Variants in ARFGEF1 observed in about 807,000 individuals in gnomAD.
ARFGEF1 encodes the protein ARF guanine nucleotide exchange factor 1.
ARFGEF1 carries 42 observed loss-of-function variants against 231.0 expected under a neutral mutation model. The ratio of observed to expected loss-of-function variants is 0.18; its 90% CI spans 0.14 to 0.24. ARFGEF1 has a LOEUF of 0.24. ARFGEF1 is among the 10% of genes least tolerant of loss of function. The pLI is 1.00. For missense variants in ARFGEF1, 1,345 were observed against 2,192.0 expected, an observed-to-expected ratio of 0.61 and a Z score of 7.72; for synonymous variants, 710 against 732.3, an observed-to-expected ratio of 0.97 and a Z score of 0.49.
At chr8:67,260,114 A>C (rs1414267588) in intron 14 of ARFGEF1, among the ~76,000 whole-genome samples, 188 bp from the exon 15 acceptor site, 1 of 152,222 alleles carries the variant, frequency 6.6e-6, no homozygotes. Context: ...TTTAGAAATA[A>C]GTCTCATATG....
chr8:67,252,755 G>A (rs1454655438), intron 18 of ARFGEF1, among the ~76,000 whole-genome samples: 1 of 152,138 alleles, frequency 6.6e-6, no homozygotes, highest in African/African-American at 2.4e-5. Flanking sequence ...GTGTTAGTTA[G>A]ACCTAAGGAC....
chr8:67,291,564 G>A lies in ARFGEF1; in HGVS notation c.916+283C>T, dbSNP rs77371361. ...CTGAAATTCCTATATAACATTTAAC[G>A]GACATTTATGACCCTCTTTAGAAAT... On this transcript the variant is annotated intron_variant, in intron 6 of 38. Transcript: ENST00000262215. Among the ~76,000 whole-genome samples the A allele has an allele frequency of 7.9e-3, 1,206 of 151,800 alleles. 11 individuals are homozygous for A. Among genetic ancestry groups the A allele is most frequent in the African/African-American group, 0.028 (1,149 of 41,414 alleles).
At chr8:67,294,870 T>C (rs1280350617) in intron 5 of ARFGEF1, among the ~76,000 whole-genome samples, 4 of 152,152 alleles carry the variant, frequency 2.6e-5, no homozygotes, top group Non-Finnish European at 5.9e-5. Flanking sequence ...CTAAATACCA[T>C]TCTCCAATCA....
At chr8:67,176,998 G>C (rs538377324) in intron 5 of ARFGEF1, among the ~76,000 whole-genome samples, 1 of 150,524 alleles carries the variant, frequency 6.6e-6, no homozygotes, top group Non-Finnish European at 1.5e-5. Context: ...TTGAACCCAG[G>C]AGGTGGAGGT....
rs746053755 is a variant in ARFGEF1, at chr8:67,267,419, T to A, written c.1596A>T (p.Leu532Phe). The A allele has an allele frequency of 6.2e-7, 1 of 1,609,228 alleles. No individual in the cohort carries two copies. Among genetic ancestry groups the A allele is most frequent in the African/African-American group, 1.3e-5 (1 of 74,796 alleles). ...AGCTGGTAGAAGTTTCCAAAATGTA[T>A]AAGAAAATTTCTTTAAAGAACACCT... ...QIEVFFKEIF[L>F]YILETSTSSF... Residue 532 changes from leucine (L) to phenylalanine (F), a missense_variant, in exon 11 of 39, where the codon TTA (leucine) becomes TTT (phenylalanine). Physicochemically the swap from Leu to Phe is conservative, Grantham distance 22. Transcript: ENST00000262215.
At position 67,227,648 on chromosome 8, in the gene ARFGEF1, AT is replaced by A. The variant is rs1839419914; in HGVS notation, c.3592-51del. On this transcript the variant is annotated intron_variant, in intron 25 of 38. Coordinates refer to ENST00000262215, the MANE Select transcript of ARFGEF1 (RefSeq NM_006421.5). ...ATGCTAATTAATATCAGCAGTAAAA[AT>A]CTACAATTCTTTATTTTTTGTTTTA... 1.3e-6 allele frequency: 2 copies of A among 1,568,044 alleles called. 1 individual carries two copies. Among genetic ancestry groups the A allele is most frequent in the Middle Eastern group, 3.4e-4 (2 of 5,864 alleles).
chr8:67,337,288 C>T (rs1808394832), intron 1 of ARFGEF1, among the ~76,000 whole-genome samples: 1 of 152,006 alleles, frequency 6.6e-6, no homozygotes. Context: ...GTCTAAAAAT[C>T]TATTTCCCAA....
intron 9 of ARFGEF1, among the ~76,000 whole-genome samples, chr8:67,274,998 C>T (rs1805254259): frequency 6.6e-6 from 1 of 152,056 alleles, no homozygotes; most frequent in South Asian, 2.1e-4. Flanking sequence ...TGAACTGGTA[C>T]AATCTGACAA....
chr8:67,305,036 A>T (rs1208457234), intron 1 of ARFGEF1, among the ~76,000 whole-genome samples: 1 of 152,206 alleles, frequency 6.6e-6, no homozygotes, highest in African/African-American at 2.4e-5. Context: ...TCCCATTTGT[A>T]AAATAATTAC....
At chr8:67,223,504 A>G (rs1034698357) in intron 29 of ARFGEF1, among the ~76,000 whole-genome samples, 1 of 152,190 alleles carries the variant, frequency 6.6e-6, no homozygotes, top group Non-Finnish European at 1.5e-5. Flanking sequence ...TTAAGATGGA[A>G]GCTAAATAGC....
intron 7 of ARFGEF1, among the ~76,000 whole-genome samples, chr8:67,283,770 C>T (rs1012350875): frequency 2.6e-5 from 4 of 152,110 alleles, no homozygotes; most frequent in Non-Finnish European, 2.9e-5. Context: ...GAGAAATGCA[C>T]ATTAAAACCA....
At position 67,343,279 on chromosome 8, in the gene ARFGEF1, C is replaced by T. The variant is rs751233082; in HGVS notation, c.9G>A (p.Glu3=). Residue 3 remains glutamate (E), a synonymous_variant, in exon 1 of 39, where the codon GAG becomes GAA. Transcript: ENST00000262215. MY[E]GKKTKNMFLT... is the part of the protein sequence containing the mutation. ...GGAACATGTTCTTCGTCTTCTTCCCCTCATACATGGACGCAGAGAAGGAGG... is the reference window on the plus strand; with the variant it reads ...GGAACATGTTCTTCGTCTTCTTCCCTTCATACATGGACGCAGAGAAGGAGG... The T allele has an allele frequency of 2.5e-6, 4 of 1,613,648 alleles. No homozygotes were observed. Among genetic ancestry groups the T allele is most frequent in the East Asian group, 4.5e-5 (2 of 44,852 alleles).
rs3837216 is a variant in ARFGEF1, at chr8:67,211,624, TA to T, written c.4687-10del. Reference sequence around the variant, plus strand: ...TTCTGTGATATTGTATCCTAATAAATAAAAAAAAAATCACTGTAAGTATGGT... The same window carrying T: ...TTCTGTGATATTGTATCCTAATAAATAAAAAAAAATCACTGTAAGTATGGT... On this transcript the variant is annotated splice_polypyrimidine_tract_variant and intron_variant, in intron 33 of 38. Coordinates refer to ENST00000262215, the MANE Select transcript of ARFGEF1 (RefSeq NM_006421.5). 0.017 allele frequency: 22,292 copies of T among 1,322,566 alleles called. 407 individuals are homozygous for T. Among genetic ancestry groups the T allele is most frequent in the South Asian group, 0.05 (2,998 of 59,746 alleles). 81.9% of individuals were successfully genotyped at this position (1,322,566 alleles called of 1,614,324 possible).
At chr8:67,313,565 G>A (rs2128923339) in intron 1 of ARFGEF1, among the ~76,000 whole-genome samples, 1 of 152,300 alleles carries the variant, frequency 6.6e-6, no homozygotes, top group South Asian at 2.1e-4. Flanking sequence ...TCTGGGTCTA[G>A]CCACCCAGCG....
intron 5 of ARFGEF1, among the ~76,000 whole-genome samples, chr8:67,186,829 G>A (rs1049039131): frequency 6.6e-6 from 1 of 152,144 alleles, no homozygotes; most frequent in Non-Finnish European, 1.5e-5. Context: ...CAAGTTGTGG[G>A]ATACAAGATG....
rs115686686 is a variant in ARFGEF1 at position 67,336,585 on chromosome 8, T to C, written c.124+6579A>G. On this transcript the variant is annotated intron_variant, in intron 1 of 38. Transcript: ENST00000262215. ...ACTTCTGGTGGCTTCTGGCATTCCA[T>C]AGCATGTGGCAGCAGTAACTGATCT... Among the ~76,000 whole-genome samples, 1,308 of 152,302 alleles carry C rather than the reference T, an allele frequency of 8.6e-3. 16 individuals carry two copies. The highest frequency in any genetic ancestry group is 0.03 in the African/African-American group (1,228 of 41,556).
chr8:67,258,117 T>C lies in ARFGEF1; in HGVS notation c.2409A>G (p.Lys803=). ...TGCATTCTAGGTATCTTGCAGCAAATTTTTCCATTAATCGATCGATTTTCT... is the reference window on the plus strand; with the variant it reads ...TGCATTCTAGGTATCTTGCAGCAAACTTTTCCATTAATCGATCGATTTTCT... ...EAQKIDRLME[K]FAARYLECNQ... Residue 803 remains lysine, a synonymous_variant, in exon 16 of 39, where the codon AAA becomes AAG. Transcript: ENST00000262215. The C allele has an allele frequency of 6.2e-7, 1 of 1,613,884 alleles. No individual in the cohort carries two copies. The highest frequency in any genetic ancestry group is 1.1e-5 in the South Asian group (1 of 91,082).
intron 29 of ARFGEF1, among the ~76,000 whole-genome samples, chr8:67,224,454 T>A (rs1043861506): frequency 6.6e-6 from 1 of 152,206 alleles, no homozygotes; most frequent in Admixed American, 6.5e-5. Flanking sequence ...TCTATTTGAA[T>A]AGCTCTATAT....
intron 7 of ARFGEF1, among the ~76,000 whole-genome samples, chr8:67,279,035 G>A (rs1162347974): frequency 6.6e-6 from 1 of 152,060 alleles, no homozygotes; most frequent in Non-Finnish European, 1.5e-5. Flanking sequence ...AGGCCAAGGT[G>A]GGAGGATCAC....
Sources: gnomAD v4.1 joint callset for allele counts (sites outside exome capture counted in the v4.1 genomes callset) on GRCh38, gnomAD v4.1.1 for gene constraint, MANE v1.5 for transcripts, NCBI Gene and HGNC (gene_info 2026-07-23, HGNC 2026-07-21) for gene names.